Variants in PPP2R2B observed in about 807,000 individuals in gnomAD.
PPP2R2B encodes the protein protein phosphatase 2 regulatory subunit Bbeta, also known as serine/threonine-protein phosphatase 2A 55 kDa regulatory subunit B beta isoform.
PPP2R2B carries 5 observed loss-of-function variants against 46.0 expected under a neutral mutation model. The observed-to-expected ratio is 0.11, with a 90% CI of 0.06 to 0.23. The LOEUF is 0.23. PPP2R2B is among the 10% of genes least tolerant of loss of function. The pLI, the probability that PPP2R2B is intolerant of heterozygous loss-of-function variation, is 1.00. For missense variants in PPP2R2B, 367 were observed against 575.0 expected, an observed-to-expected ratio of 0.64 and a Z score of 3.70; for synonymous variants, 215 against 206.7, an observed-to-expected ratio of 1.04 and a Z score of -0.34.
At chr5:146,673,756 C>A (rs1344770199) in intron 5 of PPP2R2B, among the ~76,000 whole-genome samples, 1 of 152,192 alleles carries the variant, frequency 6.6e-6, no homozygotes, top group Non-Finnish European at 1.5e-5. Flanking sequence ...AGCATGTAAC[C>A]TTTCTTAGCT....
chr5:146,792,724 T>C (rs1756280039), intron 2 of PPP2R2B, among the ~76,000 whole-genome samples: 1 of 152,134 alleles, frequency 6.6e-6, no homozygotes, highest in Non-Finnish European at 1.5e-5. Flanking sequence ...GCAGCCCAGG[T>C]AGAAGAAACT....
chr5:146,667,327 C>CGT (rs1777052123), intron 5 of PPP2R2B, among the ~76,000 whole-genome samples: 1 of 128,938 alleles, frequency 7.8e-6, no homozygotes, highest in African/African-American at 3.3e-5. Flanking sequence ...AATAGGCGTG[C>CGT]GCGCGCACAC....
intron 5 of PPP2R2B, 142 bp downstream of exon 5, chr5:146,690,986 G>A: frequency 3.2e-6 from 2 of 632,052 alleles, no homozygotes; most frequent in South Asian, 2.0e-5. Context: ...TGCCACCAGA[G>A]AGAGACTGGG....
chr5:146,874,963 C>T (rs980817917), intron 2 of PPP2R2B, among the ~76,000 whole-genome samples: 1 of 152,152 alleles, frequency 6.6e-6, no homozygotes, highest in Non-Finnish European at 1.5e-5. Context: ...GGAAATATAG[C>T]TTATACACTG....
intron 2 of PPP2R2B, among the ~76,000 whole-genome samples, chr5:146,790,040 T>C (rs1406253653): frequency 6.6e-6 from 1 of 152,180 alleles, no homozygotes; most frequent in Non-Finnish European, 1.5e-5. Flanking sequence ...ACATGCCCCA[T>C]CTCTGGGGGA....
At chr5:146,841,946 A>G (rs1168034558) in intron 2 of PPP2R2B, among the ~76,000 whole-genome samples, 2 of 152,168 alleles carry the variant, frequency 1.3e-5, no homozygotes, top group Non-Finnish European at 2.9e-5. Context: ...ATATAAAGAA[A>G]AAAGAGATTT....
chr5:146,950,299 G>A (rs979787508), intron 1 of PPP2R2B, among the ~76,000 whole-genome samples: 1 of 151,918 alleles, frequency 6.6e-6, no homozygotes, highest in Non-Finnish European at 1.5e-5. Flanking sequence ...CTTTGAACAT[G>A]ATAGATAATT....
chr5:146,680,296 C>CA (rs1356461442), intron 5 of PPP2R2B, among the ~76,000 whole-genome samples: 4 of 143,666 alleles, frequency 2.8e-5, no homozygotes, highest in Non-Finnish European at 4.5e-5. Flanking sequence ...ATCGCAAGAA[C>CA]AAAAAACCAA....
At chr5:146,894,027 T>C (rs911348854) in intron 1 of PPP2R2B, among the ~76,000 whole-genome samples, 1 of 151,898 alleles carries the variant, frequency 6.6e-6, no homozygotes, top group African/African-American at 2.4e-5. Flanking sequence ...GCCTGGGCAA[T>C]AGAGTGAGAC....
intron 2 of PPP2R2B, among the ~76,000 whole-genome samples, chr5:146,787,833 G>T (rs1755940793): frequency 6.6e-6 from 1 of 152,184 alleles, no homozygotes; most frequent in East Asian, 1.9e-4. Context: ...CTCCCAAAGT[G>T]CTGGGATTAC....
intron 1 of PPP2R2B, among the ~76,000 whole-genome samples, chr5:147,053,377 A>C (rs1756925128): frequency 6.6e-6 from 1 of 152,200 alleles, no homozygotes; most frequent in Non-Finnish European, 1.5e-5. Flanking sequence ...AATTAGTTCT[A>C]GAGTTTCTCT....
chr5:146,923,670 A>C (rs534317609), intron 1 of PPP2R2B, among the ~76,000 whole-genome samples: 1 of 152,310 alleles, frequency 6.6e-6, no homozygotes, highest in South Asian at 2.1e-4. Flanking sequence ...GCAATTCCTC[A>C]AAGACCTAAA....
chr5:146,818,573 T>A (rs1758070177), intron 2 of PPP2R2B, among the ~76,000 whole-genome samples: 1 of 152,116 alleles, frequency 6.6e-6, no homozygotes. Flanking sequence ...AACTCACATA[T>A]TTTGAGCACC....
intron 2 of PPP2R2B, among the ~76,000 whole-genome samples, chr5:146,844,115 A>T (rs1408080030): frequency 2.7e-5 from 4 of 148,410 alleles, no homozygotes; most frequent in African/African-American, 9.9e-5. Flanking sequence ...AAAAAACCAA[A>T]CACCGCATAT....
At chr5:147,062,981 AGGG>A (rs1561607746) in intron 2 of PPP2R2B, among the ~76,000 whole-genome samples, 3,425 of 64,034 alleles carry the variant, frequency 0.053, 369 homozygotes, top group African/African-American at 0.18. Flanking sequence ...GGAGGGAGGG[AGGG>A]AGGGAGGGAG....
chr5:146,687,198 T>C (rs1300874789), intron 5 of PPP2R2B, among the ~76,000 whole-genome samples: 1 of 152,224 alleles, frequency 6.6e-6, no homozygotes, highest in African/African-American at 2.4e-5. Flanking sequence ...TGCCCAGATG[T>C]ATATGTCTAA....
intron 5 of PPP2R2B, among the ~76,000 whole-genome samples, chr5:146,683,740 TG>T (rs1271330479): frequency 6.6e-6 from 1 of 152,116 alleles, no homozygotes; most frequent in Non-Finnish European, 1.5e-5. Flanking sequence ...GGCTTGTCAG[TG>T]AGGGTAGTGG....
intron 1 of PPP2R2B, among the ~76,000 whole-genome samples, chr5:146,934,541 G>A (rs560150): frequency 0.24 from 31,655 of 134,108 alleles, 4,232 homozygotes; most frequent in African/African-American, 0.4. Context: ...ACAAACGGAA[G>A]TTCTGAGGTG....
chr5:146,658,076 A>G (rs970269422), intron 5 of PPP2R2B, among the ~76,000 whole-genome samples: 2 of 152,170 alleles, frequency 1.3e-5, no homozygotes, highest in African/African-American at 2.4e-5. Flanking sequence ...GAGGTAGGCA[A>G]TATGTAACCC....
Sources: allele counts gnomAD v4.1 joint callset (sites outside exome capture counted in the v4.1 genomes callset), GRCh38; gene constraint gnomAD v4.1.1; transcripts MANE v1.5; gene names NCBI Gene and HGNC (gene_info 2026-07-23, HGNC 2026-07-21).